Variants in GLIS3 observed in about 807,000 individuals in gnomAD.
GLIS3 encodes the protein GLIS family zinc finger 3, also known as zinc finger protein GLIS3.
GLIS3 carries 53 observed loss-of-function variants against 78.6 expected under a neutral mutation model. The ratio of observed to expected loss-of-function variants is 0.67; its 90% CI spans 0.54 to 0.85. The LOEUF is 0.85. Among genes scored for constraint, GLIS3 ranks in the 40% least tolerant of loss-of-function variants. The pLI, the probability that GLIS3 is intolerant of heterozygous loss-of-function variation, is 0.00. For synonymous variants in GLIS3, 684 were observed against 509.9 expected, an observed-to-expected ratio of 1.34 and a Z score of -4.60; for missense variants, 1,703 against 1,231.1, an observed-to-expected ratio of 1.38 and a Z score of -5.74.
intron 4 of GLIS3, among the ~76,000 whole-genome samples, chr9:3,941,435 G>C (rs1815909738): frequency 6.6e-6 from 1 of 151,940 alleles, no homozygotes; most frequent in Non-Finnish European, 1.5e-5. Context: ...GTGCAGGTTA[G>C]TTACATATGT....
At chr9:4,270,777 A>G (rs929570477) in intron 2 of GLIS3, among the ~76,000 whole-genome samples, 1 of 152,138 alleles carries the variant, frequency 6.6e-6, no homozygotes, top group African/African-American at 2.4e-5. Flanking sequence ...AACGATACCA[A>G]TGGCTCTCCC....
At chr9:4,139,302 C>T (rs1285909383) in intron 2 of GLIS3, among the ~76,000 whole-genome samples, 1 of 152,234 alleles carries the variant, frequency 6.6e-6, no homozygotes, top group African/African-American at 2.4e-5. Flanking sequence ...ATCCCCCAGA[C>T]AGCAAGTGCT....
chr9:4,151,481 A>C (rs551765217), intron 2 of GLIS3, among the ~76,000 whole-genome samples: 1 of 152,322 alleles, frequency 6.6e-6, no homozygotes, highest in South Asian at 2.1e-4. Flanking sequence ...CTTGCTTAGA[A>C]AGGGGGAAAG....
At chr9:4,351,668 A>AT (rs869180857), upstream of GLIS3, among the ~76,000 whole-genome samples, 1 of 152,166 alleles carries the variant, frequency 6.6e-6, no homozygotes, top group Non-Finnish European at 1.5e-5. Flanking sequence ...GAAAGATTTC[A>AT]TTTTTTTAAA....
At chr9:4,240,631 G>C (rs1823211672) in intron 2 of GLIS3, among the ~76,000 whole-genome samples, 1 of 152,046 alleles carries the variant, frequency 6.6e-6, no homozygotes, top group African/African-American at 2.4e-5. Flanking sequence ...TAAAATCACA[G>C]AAAAGTAAAA....
At chr9:4,073,261 A>T (rs1250498546) in intron 4 of GLIS3, among the ~76,000 whole-genome samples, 2 of 152,198 alleles carry the variant, frequency 1.3e-5, no homozygotes, top group Non-Finnish European at 2.9e-5. Context: ...GGCAACATTC[A>T]TCTGAACACA....
chr9:4,064,627 T>A (rs1826938442), intron 4 of GLIS3, among the ~76,000 whole-genome samples: 1 of 152,132 alleles, frequency 6.6e-6, no homozygotes, highest in Admixed American at 6.6e-5. Context: ...TTGTGTCTAC[T>A]AAAAATATTA....
chr9:3,967,895 C>T (rs1818077490), intron 4 of GLIS3, among the ~76,000 whole-genome samples: 1 of 152,176 alleles, frequency 6.6e-6, no homozygotes, highest in Non-Finnish European at 1.5e-5. Flanking sequence ...GATGGAGGCT[C>T]AGGAGGTGAG....
At chr9:4,066,329 C>T (rs1014647384) in intron 4 of GLIS3, among the ~76,000 whole-genome samples, 4 of 151,982 alleles carry the variant, frequency 2.6e-5, no homozygotes, top group Admixed American at 1.3e-4. Context: ...AGGGAGGCAC[C>T]GTGGGTGGGA....
At chr9:3,933,311 G>T (rs947713307) in intron 5 of GLIS3, among the ~76,000 whole-genome samples, 2 of 152,130 alleles carry the variant, frequency 1.3e-5, no homozygotes, top group African/African-American at 4.8e-5. Flanking sequence ...GAGTAGCTGG[G>T]ATTAAAGGTG....
At chr9:4,273,488 G>C (rs185125949) in intron 2 of GLIS3, among the ~76,000 whole-genome samples, 1 of 152,102 alleles carries the variant, frequency 6.6e-6, no homozygotes, top group African/African-American at 2.4e-5. Context: ...CACTACTCAG[G>C]AGGCTGAGGT....
chr9:4,086,344 C>G (rs979253416), intron 4 of GLIS3, among the ~76,000 whole-genome samples: 3 of 152,178 alleles, frequency 2.0e-5, no homozygotes, highest in Non-Finnish European at 2.9e-5. Context: ...TCTGAGTTAT[C>G]ACAGCACTTC....
intron 7 of GLIS3, among the ~76,000 whole-genome samples, chr9:3,883,777 G>T (rs988416096): frequency 1.3e-5 from 2 of 152,242 alleles, no homozygotes; most frequent in African/African-American, 4.8e-5. Flanking sequence ...CTGATGACTG[G>T]CAGCTGGAAC....
At chr9:3,974,155 C>T (rs748136662) in intron 4 of GLIS3, among the ~76,000 whole-genome samples, 12 of 152,080 alleles carry the variant, frequency 7.9e-5, no homozygotes, top group African/African-American at 2.2e-4. Context: ...TCTGGATTTA[C>T]ACCTTTTTTT....
At chr9:3,914,922 C>T (rs1050229793) in intron 6 of GLIS3, among the ~76,000 whole-genome samples, 1 of 152,170 alleles carries the variant, frequency 6.6e-6, no homozygotes, top group Non-Finnish European at 1.5e-5. Context: ...AAGAGCTTGC[C>T]CGTGGTGTTA....
the GLIS3 span, among the ~76,000 whole-genome samples, chr9:4,474,478 A>C: frequency 6.6e-6 from 1 of 152,194 alleles, no homozygotes; most frequent in East Asian, 1.9e-4. Context: ...CTTTTCAATA[A>C]ATGCTCCTGG....
At chr9:4,416,868 G>C in the GLIS3 span, among the ~76,000 whole-genome samples, 2 of 140,096 alleles carry the variant, frequency 1.4e-5, no homozygotes, top group African/African-American at 5.2e-5. Context: ...GCCCAGGCTG[G>C]AGTGCAGTGG....
the GLIS3 span, among the ~76,000 whole-genome samples, chr9:4,437,435 T>C: frequency 2.0e-5 from 3 of 150,212 alleles, no homozygotes; most frequent in African/African-American, 7.5e-5. Context: ...TATCTATCTA[T>C]CTATCTATCT....
chr9:4,130,541 G>A (rs940882997), intron 2 of GLIS3, among the ~76,000 whole-genome samples: 1 of 152,252 alleles, frequency 6.6e-6, no homozygotes, highest in African/African-American at 2.4e-5. Flanking sequence ...CCCAGGTACA[G>A]CTCAGGCCTC....
Sources: gnomAD v4.1 joint callset for allele counts (sites outside exome capture counted in the v4.1 genomes callset) on GRCh38, gnomAD v4.1.1 for gene constraint, MANE v1.5 for transcripts, NCBI Gene and HGNC (gene_info 2026-07-23, HGNC 2026-07-21) for gene names.